PBLD: variants seen among roughly 807,000 people sequenced by gnomAD.
The protein encoded by PBLD is phenazine biosynthesis-like domain-containing protein.
A neutral mutation model predicts 31.3 loss-of-function variants in PBLD; 26 were observed. The observed-to-expected ratio is 0.83, with a 90% CI of 0.61 to 1.15. The LOEUF (loss-of-function observed/expected upper bound fraction) is 1.15, where lower values mean the gene tolerates loss of function less well. PBLD is among the 50% of genes most tolerant of loss of function. The pLI is 0.00. For missense variants in PBLD, 307 were observed against 351.7 expected (o/e 0.87, Z 1.02); for synonymous variants, 114 against 129.0 (o/e 0.88, Z 0.79).
chr10:68,318,610 G>T (rs775611994), intron 1 of PBLD, among the ~76,000 whole-genome samples: 4 of 151,906 alleles, frequency 2.6e-5, no homozygotes, highest in Non-Finnish European at 5.9e-5. Flanking sequence ...TATTTGAATG[G>T]CAAGAAAGTC....
In PBLD at chr10:68,282,771, CAATT is replaced by C. The variant is rs2044246242; in HGVS notation, c.*1402_*1405del. The C allele has an allele frequency of 2.6e-5, 4 of 152,234 alleles. No individual in the cohort carries two copies. Among genetic ancestry groups the C allele is most frequent in the Admixed American group, 6.5e-5 (1 of 15,296 alleles). 9.4% of individuals were successfully genotyped at this position (152,234 alleles called of 1,614,324 possible). A position where few individuals can be genotyped will look rare whatever the true frequency, so the allele number is the denominator to read the frequency against. Reference sequence around the variant, plus strand: ...TCAGTAAAAATAGAAAACATGGTAACAATTAAAGTGAAAAAATTGGGGTCATTAA... The same window carrying C: ...TCAGTAAAAATAGAAAACATGGTAACAAAGTGAAAAAATTGGGGTCATTAA... On this transcript the variant is annotated 3_prime_UTR_variant, in exon 10 of 10. Coordinates refer to ENST00000358769, the MANE Select transcript of PBLD (RefSeq NM_022129.4).
intron 4 of PBLD, 70 bp downstream of exon 4, chr10:68,296,196 T>A: frequency 8.8e-7 from 1 of 1,139,262 alleles, no homozygotes; most frequent in Non-Finnish European, 1.3e-6. Flanking sequence ...TCAGAAAAAG[T>A]GTGTGTGAGA....
At chr10:68,305,007 T>A (rs1272160837) in intron 2 of PBLD, among the ~76,000 whole-genome samples, 1 of 152,204 alleles carries the variant, frequency 6.6e-6, no homozygotes, top group Non-Finnish European at 1.5e-5. Context: ...AGACAAGGAC[T>A]CTTGATGGCC....
At chr10:68,326,967 A>T (rs1056245234) in intron 1 of PBLD, among the ~76,000 whole-genome samples, 2 of 152,140 alleles carry the variant, frequency 1.3e-5, no homozygotes, top group African/African-American at 4.8e-5. Flanking sequence ...GAATTGCTTG[A>T]ACCAGGGAGT....
At chr10:68,326,111 G>A (rs1181467134) in intron 1 of PBLD, among the ~76,000 whole-genome samples, 2 of 152,058 alleles carry the variant, frequency 1.3e-5, no homozygotes, top group East Asian at 3.9e-4. Flanking sequence ...CTCTGTTGCC[G>A]AGGTTGGAGC....
intron 2 of PBLD, among the ~76,000 whole-genome samples, chr10:68,304,293 C>G (rs913479529): frequency 6.6e-6 from 1 of 152,122 alleles, no homozygotes; most frequent in African/African-American, 2.4e-5. Context: ...GACAAAGAGG[C>G]GTAGCAAACT....
At chr10:68,292,453 C>T (rs1441724737) in intron 4 of PBLD, among the ~76,000 whole-genome samples, 1 of 151,886 alleles carries the variant, frequency 6.6e-6, no homozygotes, top group Non-Finnish European at 1.5e-5. Context: ...TGGCGTCATA[C>T]TTCAAGGCTT....
At chr10:68,294,474 A>G (rs2044398983) in intron 4 of PBLD, among the ~76,000 whole-genome samples, 1 of 152,212 alleles carries the variant, frequency 6.6e-6, no homozygotes. Flanking sequence ...GCTAGTGGCC[A>G]ACAGCTCTCA....
rs1449148896 is a variant in PBLD, at chr10:68,284,288, A to G, written c.756T>C (p.Ala252=). 16 of 1,611,920 alleles carry G rather than the reference A, an allele frequency of 9.9e-6. No homozygotes were observed. Among genetic ancestry groups the G allele is most frequent in the Non-Finnish European group, 1.4e-5 (16 of 1,178,260 alleles). The part of the protein sequence containing the change: ...SQHLGKKEMH[A]FQCSHRGGEL... Reference sequence around the variant, plus strand: ...CTCCTCCTCGGTGGGAACACTGAAAAGCTAAAGAAAACAAACAGGTCAAAT... The same window carrying G: ...CTCCTCCTCGGTGGGAACACTGAAAGGCTAAAGAAAACAAACAGGTCAAAT... The change falls in exon 10 of 10, where the codon GCT becomes GCC. Residue 252 remains alanine, a splice_region_variant and synonymous_variant. Coordinates refer to ENST00000358769, the MANE Select transcript of PBLD (RefSeq NM_022129.4).
intron 4 of PBLD, among the ~76,000 whole-genome samples, chr10:68,295,746 G>A (rs1350542820): frequency 6.6e-6 from 1 of 151,992 alleles, no homozygotes; most frequent in Non-Finnish European, 1.5e-5. Context: ...GAGGCCAGGA[G>A]TTTGACACCA....
At chr10:68,321,630 A>G (rs780004871) in intron 1 of PBLD, among the ~76,000 whole-genome samples, 8 of 152,176 alleles carry the variant, frequency 5.3e-5, no homozygotes, top group Non-Finnish European at 1.2e-4. Context: ...CTTCCTGGAG[A>G]CATGACTGAT....
intron 1 of PBLD, among the ~76,000 whole-genome samples, chr10:68,322,849 G>GCTCTCT (rs1488616672): frequency 6.6e-6 from 1 of 151,758 alleles, no homozygotes. Flanking sequence ...AGAGGCTCAA[G>GCTCTCT]TGAGCCTCTC....
At chr10:68,321,147 T>A (rs892241621) in intron 1 of PBLD, among the ~76,000 whole-genome samples, 2 of 152,100 alleles carry the variant, frequency 1.3e-5, no homozygotes, top group East Asian at 3.9e-4. Flanking sequence ...ATTTTTAGGG[T>A]TTTTTTCTTT....
intron 1 of PBLD, among the ~76,000 whole-genome samples, chr10:68,318,710 A>G (rs1215067685): frequency 6.6e-6 from 1 of 152,092 alleles, no homozygotes; most frequent in African/African-American, 2.4e-5. Context: ...CTAGATTGTT[A>G]TAAACTTAAA....
intron 4 of PBLD, chr10:68,296,041 T>C: frequency 7.8e-6 from 3 of 383,440 alleles, no homozygotes; most frequent in Non-Finnish European, 9.4e-6. Flanking sequence ...TAAAATAAAA[T>C]AGCATTCTGA....
At chr10:68,303,672 T>C (rs2044536605) in intron 2 of PBLD, among the ~76,000 whole-genome samples, 1 of 152,088 alleles carries the variant, frequency 6.6e-6, no homozygotes, top group African/African-American at 2.4e-5. Context: ...TGAACTTTAT[T>C]ACTCAGAAGT....
intron 2 of PBLD, among the ~76,000 whole-genome samples, chr10:68,298,311 T>C (rs1564728625): frequency 6.6e-6 from 1 of 151,776 alleles, no homozygotes; most frequent in Non-Finnish European, 1.5e-5. Flanking sequence ...ATGTGGACAA[T>C]AGTAACAACT....
intron 1 of PBLD, among the ~76,000 whole-genome samples, chr10:68,324,677 C>T (rs1012835856): frequency 7.2e-5 from 11 of 151,780 alleles, no homozygotes; most frequent in South Asian, 4.2e-4. Flanking sequence ...TGCAGTGGCA[C>T]AATCTCAGCT....
At chr10:68,291,985 C>T in intron 6 of PBLD, 25 bp downstream of exon 6, 3 of 1,566,034 alleles carry the variant, frequency 1.9e-6, no homozygotes, top group Non-Finnish European at 2.6e-6. Context: ...AATAACTAGG[C>T]TCAGGTTTGA....
Sources: allele counts gnomAD v4.1 joint callset (sites outside exome capture counted in the v4.1 genomes callset), GRCh38; gene constraint gnomAD v4.1.1; transcripts MANE v1.5; gene names NCBI Gene and HGNC (gene_info 2026-07-23, HGNC 2026-07-21).